Variants in PLEC observed in about 807,000 individuals in gnomAD.
PLEC encodes hemidesmosomal protein 1.
A neutral mutation model predicts 392.8 loss-of-function variants in PLEC; 216 were observed. That is an observed-to-expected ratio of 0.55 (90% CI 0.49 to 0.62). The LOEUF is 0.62. PLEC is among the 20% of genes least tolerant of loss of function. PLEC has a pLI of 0.00. For synonymous variants in PLEC, 3,621 were observed against 2,980.6 expected (o/e 1.21, Z -7.00); for missense variants, 6,863 against 6,563.4 (o/e 1.05, Z -1.58).
Position 143,935,983 on chromosome 8 carries a change from T to C in PLEC, c.467A>G (p.Glu156Gly). 1 of 1,612,608 alleles carries C rather than the reference T, an allele frequency of 6.2e-7. No homozygotes were observed. Among genetic ancestry groups the C allele is most frequent in the South Asian group, 1.1e-5 (1 of 91,084 alleles). The change falls in exon 6 of 32, where the codon GAG becomes GGG. Residue 156 changes from glutamate to glycine, a missense_variant. Physicochemically the swap from Glu to Gly is moderately conservative, Grantham distance 98. Coordinates refer to ENST00000345136, the MANE Select transcript of PLEC (RefSeq NM_201384.3). ...ISDIQVSGQS[E>G]DMTAKEKLLL... ...CAGCTTCTCCTTGGCCGTCATGTCC[T>C]CCGACTGCCCACTCACCTGGATATC...
upstream of PLEC, among the ~76,000 whole-genome samples, chr8:143,958,281 C>G (rs1264828168): frequency 6.6e-6 from 1 of 152,108 alleles, no homozygotes; most frequent in Non-Finnish European, 1.5e-5. This position sits in a 1 kb window ranked among gnomAD's most constrained non-coding sequence, Gnocchi z 4.9. Context: ...GCCACCACTG[C>G]GGGACTGGAT....
Position 143,924,400 on chromosome 8 carries a change from G to A in PLEC, c.5529C>T (p.Gly1843=), listed in dbSNP as rs1032328744. The change falls in exon 31 of 32, where the codon GGC becomes GGT. Residue 1843 remains glycine, a synonymous_variant. Coordinates refer to ENST00000345136, the MANE Select transcript of PLEC (RefSeq NM_201384.3). ...RVLAEKLAAI[G]EATRLKTEAE... ...CCTCCGTCTTGAGCCGCGTGGCCTCGCCGATGGCGGCCAGCTTCTCCGCAA... is the reference window on the plus strand; with the variant it reads ...CCTCCGTCTTGAGCCGCGTGGCCTCACCGATGGCGGCCAGCTTCTCCGCAA... 21 of 1,593,184 alleles carry A rather than the reference G, an allele frequency of 1.3e-5. No individual in the cohort carries two copies. Among genetic ancestry groups the A allele is most frequent in the South Asian group, 3.3e-5 (3 of 90,654 alleles).
chr8:143,942,575 C>T, upstream of PLEC: 3 of 1,484,068 alleles, frequency 2.0e-6, no homozygotes, highest in South Asian at 1.3e-5. Flanking sequence ...TGGACCGCGG[C>T]GGCGCCTCTG....
At chr8:143,975,315 T>C (rs1554745694), upstream of PLEC, 1 of 1,611,844 alleles carries the variant, frequency 6.2e-7, no homozygotes, top group Non-Finnish European at 8.5e-7. This position sits in a 1 kb window ranked among gnomAD's most constrained non-coding sequence, Gnocchi z 9.9. Context: ...GAGCCACTGC[T>C]TCCATTGGAG....
intron 6 of PLEC, 133 bp from the exon 7 acceptor site, chr8:143,935,446 ACT>A: frequency 1.4e-6 from 1 of 717,118 alleles, no homozygotes; most frequent in Non-Finnish European, 2.5e-6. Context: ...TGAAAAATAC[ACT>A]GTCACATGGG....
At position 143,916,167 on chromosome 8, in the gene PLEC, G is replaced by GGCAGCCTCTGGGCA. The variant is rs1563914545; in HGVS notation, c.*9_*10insTGCCCAGAGGCTGC. On this transcript the variant is annotated 3_prime_UTR_variant, in exon 32 of 32. Coordinates refer to ENST00000345136, the MANE Select transcript of PLEC (RefSeq NM_201384.3). ...GGGCCGCATGCAGAGCGGGGTGGGC[G>GGCAGCCTCTGGGCA]CAGGCAGCCTCAGGCCACGGCAGAC... 57 of 1,529,140 alleles carry GGCAGCCTCTGGGCA rather than the reference G, an allele frequency of 3.7e-5. No homozygotes were observed. The highest frequency in any genetic ancestry group is 4.9e-5 in the Non-Finnish European group (56 of 1,138,200). 94.7% of individuals were successfully genotyped at this position (1,529,140 alleles called of 1,614,324 possible). A position where few individuals can be genotyped will look rare whatever the true frequency, so the allele number is the denominator to read the frequency against.
rs782561993 is a variant in PLEC, at chr8:143,927,524, C to G, written c.3642G>C (p.Glu1214Asp). ...GCCAGGCGCCCAAGGGGTCTGCACT[C>G]TCGCGGTAGTAACGCAGCTGGCGGC... ...QLGRQLRYYR[E>D]SADPLGAWLQ... Residue 1214 changes from glutamate (E) to aspartate (D), a missense_variant, in exon 27 of 32, where the codon GAG becomes GAC. Glu to Asp is a conservative substitution (Grantham distance 45). Transcript: ENST00000345136. The G allele has an allele frequency of 4.4e-6, 7 of 1,597,490 alleles. No individual in the cohort carries two copies. Among genetic ancestry groups the G allele is most frequent in the Middle Eastern group, 1.7e-4 (1 of 6,052 alleles).
rs782013905 is a variant in PLEC, at chr8:143,929,260, C to A, written c.3103G>T (p.Gly1035Trp). ...EQQKAQAEVE[G>W]LGKGVARLSA... ...AGCCGGGCGACCCCCTTGCCCAGCC[C>A]CTCCACCTCTGCCTGTGCCTTCTGC... Residue 1035 changes from glycine (G) to tryptophan (W), a missense_variant, in exon 25 of 32, where the codon GGG becomes TGG. Gly to Trp is a radical substitution (Grantham distance 184). Coordinates refer to ENST00000345136, the MANE Select transcript of PLEC (RefSeq NM_201384.3). 101 of 1,601,450 alleles carry A rather than the reference C, an allele frequency of 6.3e-5. No individual in the cohort carries two copies. The highest frequency in any genetic ancestry group is 8.4e-5 in the Non-Finnish European group (99 of 1,179,576).
In PLEC at chr8:143,938,132, G is replaced by T. The variant is rs782568699; in HGVS notation, c.264+19C>A. 9 of 1,586,012 alleles carry T rather than the reference G, an allele frequency of 5.7e-6. No homozygotes were observed. The highest frequency in any genetic ancestry group is 7.7e-6 in the Non-Finnish European group (9 of 1,165,408). ...CAGGTGGGGCAGGCGGGGCCCGGAG[G>T]GGGCAGGGGCACACGTACCAGGCTG... On this transcript the variant is annotated intron_variant, in intron 3 of 31. Coordinates refer to ENST00000345136, the MANE Select transcript of PLEC (RefSeq NM_201384.3).
In PLEC at chr8:143,922,497, G is replaced by GC; in HGVS notation, c.7425+6dup. On this transcript the variant is annotated splice_region_variant and intron_variant, in intron 31 of 31. Transcript: ENST00000345136. ...CACCCGCCCGTCGCACGTAGAGGGG[G>GC]CGGTACCTCCTCAGACTTGAGCTGC... 6.2e-7 allele frequency: 1 copy of GC among 1,607,258 alleles called. No homozygotes were observed. The highest frequency in any genetic ancestry group is 8.5e-7 in the Non-Finnish European group (1 of 1,179,990).
At chr8:143,968,262 TCA>T (rs1833218742) in intron 1 of PLEC, among the ~76,000 whole-genome samples, 1 of 152,070 alleles carries the variant, frequency 6.6e-6, no homozygotes, top group Non-Finnish European at 1.5e-5. Context: ...TAAACTGGAG[TCA>T]TAATAATTAA....
rs782479523 is a variant in PLEC at position 143,917,879 on chromosome 8, T to C, written c.11942A>G (p.Lys3981Arg). ...CTCCTCCACCGTCAGCTTCAGTCCC[T>C]TGATGGGGTCGATGACGTAACCGGT... ...AATGYVIDPI[K>R]GLKLTVEEAV... is the part of the protein sequence containing the mutation. Residue 3981 changes from lysine to arginine, a missense_variant, in exon 32 of 32, where the codon AAG becomes AGG. Physicochemically the swap from Lys to Arg is conservative, Grantham distance 26. Coordinates refer to ENST00000345136, the MANE Select transcript of PLEC (RefSeq NM_201384.3). 9 of 1,613,080 alleles carry C rather than the reference T, an allele frequency of 5.6e-6. 1 individual carries two copies. Among genetic ancestry groups the C allele is most frequent in the Middle Eastern group, 1.6e-4 (1 of 6,084 alleles).
intron 24 of PLEC, 63 bp downstream of exon 24, chr8:143,929,351 G>T (rs750489363): frequency 4.0e-5 from 63 of 1,575,764 alleles, no homozygotes; most frequent in Non-Finnish European, 2.8e-5. Flanking sequence ...AAGGCCAAAG[G>T]AGGGAGGGTG....
chr8:143,950,105 G>A, intron 1 of PLEC: 1 of 1,443,234 alleles, frequency 6.9e-7, no homozygotes, highest in Non-Finnish European at 9.1e-7. Flanking sequence ...AACCACTCCA[G>A]CCCAGGCCCA....
chr8:143,973,540 CCG>C, upstream of PLEC: 1 of 1,150,558 alleles, frequency 8.7e-7, no homozygotes, highest in Non-Finnish European at 1.1e-6. This position sits in a 1 kb window ranked among gnomAD's most constrained non-coding sequence, Gnocchi z 5.6. Flanking sequence ...GTCCCCGCGG[CCG>C]CGCGCGCCGC....
chr8:143,920,483 C>T lies in PLEC; in HGVS notation c.9338G>A (p.Ser3113Asn), dbSNP rs1554681959. The T allele has an allele frequency of 3.1e-6, 5 of 1,607,458 alleles. No individual in the cohort carries two copies. The highest frequency in any genetic ancestry group is 1.6e-4 in the Middle Eastern group (1 of 6,076). Residue 3113 changes from serine to asparagine, a missense_variant, in exon 32 of 32, where the codon AGC becomes AAC. By Grantham distance (46) the Ser-to-Asn change is conservative. Transcript: ENST00000345136. ...TGYRDPYTGQ[S>N]VSLFQALKKG... ...CTTCAGGGCCTGGAACAGGGAGACGCTCTGCCCTGTGTAGGGGTCCCTGTA... is the reference window on the plus strand; with the variant it reads ...CTTCAGGGCCTGGAACAGGGAGACGTTCTGCCCTGTGTAGGGGTCCCTGTA...
intron 1 of PLEC, among the ~76,000 whole-genome samples, chr8:143,947,519 C>A (rs988063145): frequency 2.6e-5 from 4 of 151,910 alleles, no homozygotes; most frequent in Admixed American, 2.0e-4. Flanking sequence ...CTGAGGCAGG[C>A]GGATCACCTG....
upstream of PLEC, among the ~76,000 whole-genome samples, chr8:143,955,882 C>T (rs562774475): frequency 7.2e-5 from 11 of 151,942 alleles, no homozygotes; most frequent in African/African-American, 2.2e-4. Flanking sequence ...GTGAGCCACA[C>T]TGCCTGGTCC....
upstream of PLEC, chr8:143,953,863 G>A: frequency 4.5e-6 from 7 of 1,567,380 alleles, no homozygotes; most frequent in African/African-American, 1.4e-5. Flanking sequence ...GCCGGGGGAG[G>A]AGCCCGGAGG....
Sources: allele counts gnomAD v4.1 joint callset (sites outside exome capture counted in the v4.1 genomes callset), GRCh38; gene constraint gnomAD v4.1.1; non-coding constraint Gnocchi (gnomAD v3.1); transcripts MANE v1.5; gene names NCBI Gene and HGNC (gene_info 2026-07-23, HGNC 2026-07-21).